HSF5: variants seen among roughly 807,000 people sequenced by gnomAD.
The protein encoded by HSF5 is heat shock factor protein 5.
A neutral mutation model predicts 50.8 loss-of-function variants in HSF5; 5 were observed. The observed-to-expected ratio is 0.10, with a 90% CI of 0.05 to 0.21. The LOEUF (loss-of-function observed/expected upper bound fraction) is 0.21. Among genes scored for constraint, HSF5 ranks in the 10% least tolerant of loss-of-function variants. The pLI, the probability that HSF5 is intolerant of heterozygous loss-of-function variation, is 1.00. For missense variants in HSF5, 564 were observed against 762.6 expected (o/e 0.74, Z 3.07); for synonymous variants, 307 against 307.4 (o/e 1.00, Z 0.02).
At chr17:58,429,609 G>A (rs1234854900) in intron 5 of HSF5, among the ~76,000 whole-genome samples, 1 of 152,170 alleles carries the variant, frequency 6.6e-6, no homozygotes, top group East Asian at 1.9e-4. Context: ...ACTTTGGGGA[G>A]GCCGAAGTGG....
chr17:58,471,450 A>G (rs2531733), intron 2 of HSF5, among the ~76,000 whole-genome samples: 129,718 of 152,158 alleles, frequency 0.85, 55,658 homozygotes, highest in East Asian at 1. Context: ...GATTAGAAGC[A>G]TAAAGATCAC....
chr17:58,445,954 G>A (rs1460456247), intron 5 of HSF5, among the ~76,000 whole-genome samples: 1 of 151,988 alleles, frequency 6.6e-6, no homozygotes, highest in African/African-American at 2.4e-5. Context: ...TGCCCAACAT[G>A]GCAAAACCCT....
chr17:58,442,551 G>A (rs1261894319), intron 5 of HSF5, among the ~76,000 whole-genome samples: 1 of 152,088 alleles, frequency 6.6e-6, no homozygotes, highest in Non-Finnish European at 1.5e-5. Context: ...CTATAAAATA[G>A]TGCAAAATTT....
chr17:58,481,437 T>C (rs1254276725), intron 1 of HSF5, among the ~76,000 whole-genome samples: 2 of 152,232 alleles, frequency 1.3e-5, no homozygotes, highest in Non-Finnish European at 2.9e-5. Context: ...TACAGAACTA[T>C]GGATTATGAT....
chr17:58,476,074 C>CCAAGGACT, intron 2 of HSF5: 1 of 574,790 alleles, frequency 1.7e-6, no homozygotes, highest in Non-Finnish European at 2.9e-6. Context: ...CAACTTGCTC[C>CCAAGGACT]CAAGGACTGG....
chr17:58,447,343 T>C (rs550312342), intron 5 of HSF5, among the ~76,000 whole-genome samples: 2 of 152,254 alleles, frequency 1.3e-5, no homozygotes, highest in Non-Finnish European at 2.9e-5. Flanking sequence ...CTGACTAAAG[T>C]GATCTCAGGC....
chr17:58,476,055 A>G (rs1906520081), intron 2 of HSF5: 1 of 471,080 alleles, frequency 2.1e-6, no homozygotes. Context: ...ACAAAACCAA[A>G]AAAACCTGCA....
chr17:58,483,798 G>A (rs546969969), intron 1 of HSF5, among the ~76,000 whole-genome samples: 36 of 152,354 alleles, frequency 2.4e-4, no homozygotes, highest in African/African-American at 8.2e-4. Flanking sequence ...AAGGTGAACA[G>A]TGCAATTGGT....
At chr17:58,472,265 C>T (rs1421625319) in intron 2 of HSF5, among the ~76,000 whole-genome samples, 2 of 152,142 alleles carry the variant, frequency 1.3e-5, no homozygotes, top group African/African-American at 4.8e-5. Context: ...CCAAGAGCTT[C>T]AGACCAGTCT....
In HSF5 at chr17:58,462,926, T is replaced by G; in HGVS notation, c.1398A>C (p.Thr466=). The change falls in exon 4 of 6, where the codon ACA becomes ACC. Residue 466 remains threonine (T), a synonymous_variant. Coordinates refer to ENST00000323777, the MANE Select transcript of HSF5 (RefSeq NM_001080439.3). ...TTGTGCTATTTTCAACAGGCTGAGC[T>G]GTGTGGATGGTATAGATGTACTCAG... The part of the protein sequence containing the change: ...QSPEYIYTIH[T]AQPVENSTIQ... The G allele has an allele frequency of 6.2e-7, 1 of 1,614,192 alleles. No homozygotes were observed. The highest frequency in any genetic ancestry group is 8.5e-7 in the Non-Finnish European group (1 of 1,180,038).
intron 3 of HSF5, among the ~76,000 whole-genome samples, chr17:58,465,497 T>C (rs980744354): frequency 7.2e-5 from 11 of 152,028 alleles, no homozygotes; most frequent in African/African-American, 2.4e-4. Context: ...CCAGTGAAGA[T>C]GAATGGGCTA....
intron 5 of HSF5, among the ~76,000 whole-genome samples, chr17:58,440,150 G>A (rs1053746101): frequency 6.6e-6 from 1 of 152,232 alleles, no homozygotes; most frequent in Non-Finnish European, 1.5e-5. Context: ...AGTGTCAGGT[G>A]AGAGTGGGGA....
intron 5 of HSF5, among the ~76,000 whole-genome samples, chr17:58,433,090 T>G (rs185564485): frequency 1.6e-4 from 24 of 152,318 alleles, no homozygotes; most frequent in African/African-American, 5.3e-4. Flanking sequence ...CACAGCTCAC[T>G]ACAACCTCTG....
At chr17:58,448,740 A>C (rs1347695727) in intron 5 of HSF5, among the ~76,000 whole-genome samples, 1 of 152,228 alleles carries the variant, frequency 6.6e-6, no homozygotes, top group Non-Finnish European at 1.5e-5. Flanking sequence ...AATGTGCAAC[A>C]AGAAAACATC....
chr17:58,476,968 C>T (rs1343296817), intron 2 of HSF5: 11 of 626,424 alleles, frequency 1.8e-5, no homozygotes, highest in East Asian at 8.2e-5. Flanking sequence ...GGTTGGGAGA[C>T]GGGGGCGGGG....
At chr17:58,445,274 T>C (rs1010486971) in intron 5 of HSF5, among the ~76,000 whole-genome samples, 1 of 152,160 alleles carries the variant, frequency 6.6e-6, no homozygotes, top group Admixed American at 6.5e-5. Context: ...GCAAATGAAA[T>C]CAGGGTCTCA....
At chr17:58,467,869 A>G (rs1974889685) in intron 2 of HSF5, among the ~76,000 whole-genome samples, 1 of 152,240 alleles carries the variant, frequency 6.6e-6, no homozygotes, top group African/African-American at 2.4e-5. Flanking sequence ...GCTTTTTTGT[A>G]GAGACTCTCC....
intron 5 of HSF5, among the ~76,000 whole-genome samples, chr17:58,448,597 G>GA (rs939449822): frequency 6.6e-6 from 1 of 151,106 alleles, no homozygotes; most frequent in Non-Finnish European, 1.5e-5. Flanking sequence ...AGTGTTGAAG[G>GA]AAAAAAAAAT....
chr17:58,465,408 G>A (rs534085129), intron 3 of HSF5, among the ~76,000 whole-genome samples: 15 of 152,088 alleles, frequency 9.9e-5, no homozygotes, highest in Admixed American at 1.3e-4. Flanking sequence ...CACTGCCATA[G>A]TATCTCCAGC....
Sources: allele counts gnomAD v4.1 joint callset (sites outside exome capture counted in the v4.1 genomes callset), GRCh38; gene constraint gnomAD v4.1.1; transcripts MANE v1.5; gene names NCBI Gene and HGNC (gene_info 2026-07-23, HGNC 2026-07-21).